Variants in GLIS1 observed in about 807,000 individuals in gnomAD.
The protein encoded by GLIS1 is zinc finger protein GLIS1.
GLIS1 carries 24 observed loss-of-function variants against 63.8 expected under a neutral mutation model. The observed-to-expected ratio is 0.38, with a 90% CI of 0.27 to 0.53. The LOEUF (loss-of-function observed/expected upper bound fraction) is 0.53, where lower values mean the gene tolerates loss of function less well. Among genes scored for constraint, GLIS1 ranks in the 20% least tolerant of loss-of-function variants. GLIS1 has a pLI of 0.85. For missense variants in GLIS1, 1,036 were observed against 1,074.1 expected (o/e 0.96, Z 0.50); for synonymous variants, 450 against 482.5 (o/e 0.93, Z 0.88).
intron 2 of GLIS1, among the ~76,000 whole-genome samples, chr1:53,727,181 C>A (rs561106559): frequency 2.0e-4 from 31 of 152,374 alleles, no homozygotes; most frequent in African/African-American, 7.5e-4. Flanking sequence ...GGATAAGTAA[C>A]ATGACCTCTC....
intron 4 of GLIS1, among the ~76,000 whole-genome samples, chr1:53,535,606 A>G (rs547261416): frequency 5.9e-5 from 9 of 151,868 alleles, no homozygotes; most frequent in African/African-American, 2.2e-4. Flanking sequence ...CCTGCATCCA[A>G]CTAGTCACCA....
chr1:53,704,738 G>A (rs1019161536), intron 2 of GLIS1, among the ~76,000 whole-genome samples: 2 of 152,230 alleles, frequency 1.3e-5, no homozygotes, highest in African/African-American at 2.4e-5. Context: ...CCCTGGCTCT[G>A]TGGGCTCTAG....
At chr1:53,554,158 C>G (rs1341341678) in intron 4 of GLIS1, among the ~76,000 whole-genome samples, 2 of 152,214 alleles carry the variant, frequency 1.3e-5, no homozygotes, top group African/African-American at 4.8e-5. Context: ...CCCCTTCTGT[C>G]ACCTGGCCCT....
chr1:53,683,552 C>T (rs182300281), intron 2 of GLIS1, among the ~76,000 whole-genome samples: 31 of 152,268 alleles, frequency 2.0e-4, no homozygotes, highest in Non-Finnish European at 3.5e-4. Flanking sequence ...GTGGATCACA[C>T]GAGATCATCC....
intron 9 of GLIS1, 80 bp from the exon 10 acceptor site, chr1:53,509,367 T>C: frequency 7.4e-7 from 1 of 1,350,652 alleles, no homozygotes; most frequent in African/African-American, 1.4e-5. Flanking sequence ...TGCTGCACGC[T>C]CCACCTCCCG....
chr1:53,568,848 A>C (rs1256402212), intron 4 of GLIS1, among the ~76,000 whole-genome samples: 1 of 152,046 alleles, frequency 6.6e-6, no homozygotes, highest in East Asian at 1.9e-4. Flanking sequence ...AGTCAATTAA[A>C]CCTCTTTTCT....
chr1:53,526,766 C>T lies in GLIS1; in HGVS notation c.1483-1879G>A, dbSNP rs530129623. Among the ~76,000 whole-genome samples, 54 of 152,388 alleles carry T rather than the reference C, an allele frequency of 3.5e-4. No homozygotes were observed. The highest frequency in any genetic ancestry group is 1.2e-3 in the African/African-American group (49 of 41,592). Reference sequence around the variant, plus strand: ...GTCTGCCGGCACATTCGCCTGGAAACGGGCGGCAAGGCCCATCTCTGTGTT... The same window carrying T: ...GTCTGCCGGCACATTCGCCTGGAAATGGGCGGCAAGGCCCATCTCTGTGTT... On this transcript the variant is annotated intron_variant, in intron 5 of 10. Transcript: ENST00000628545. The surrounding 1 kb of genome is among the most constrained non-coding windows in gnomAD (Gnocchi z 4.4).
chr1:53,594,325 C>T lies in GLIS1; in HGVS notation c.1103G>A (p.Gly368Glu). ...GLGLAGRVVA[G>E]RQACRWVDCC... ...GTCCACCCAGCGGCACGCCTGCCGC[C>T]CGGCCACCACCCTGCCTGCCAGGCC... Residue 368 changes from glycine to glutamate, a missense_variant, in exon 4 of 11, where the codon GGG (glycine) becomes GAG (glutamate). This residue lies in a region of GLIS1 where 592 missense variants were observed against 593.9 expected (regional missense o/e 1.00). Coordinates refer to ENST00000628545, the MANE Select transcript of GLIS1 (RefSeq NM_001367484.1). 1 of 1,611,808 alleles carries T rather than the reference C, an allele frequency of 6.2e-7. No homozygotes were observed. Among genetic ancestry groups the T allele is most frequent in the Non-Finnish European group, 8.5e-7 (1 of 1,179,512 alleles).
chr1:53,653,911 T>C (rs1023778958), intron 2 of GLIS1, among the ~76,000 whole-genome samples: 4 of 152,110 alleles, frequency 2.6e-5, no homozygotes, highest in African/African-American at 9.7e-5. Context: ...GAAGGAGAAG[T>C]ATCCACCTGG....
chr1:53,595,854 G>T (rs1286580167), intron 3 of GLIS1, among the ~76,000 whole-genome samples: 1 of 152,212 alleles, frequency 6.6e-6, no homozygotes, highest in East Asian at 1.9e-4. Flanking sequence ...GGTGTCTCAG[G>T]AGGAACTGAG....
intron 2 of GLIS1, among the ~76,000 whole-genome samples, chr1:53,658,987 G>A (rs754874173): frequency 6.6e-6 from 1 of 152,170 alleles, no homozygotes; most frequent in Non-Finnish European, 1.5e-5. Flanking sequence ...TGCCCTGGCC[G>A]CATGACCCCA....
At chr1:53,579,553 G>A (rs12084713) in intron 4 of GLIS1, among the ~76,000 whole-genome samples, 28,952 of 152,180 alleles carry the variant, frequency 0.19, 3,707 homozygotes, top group African/African-American at 0.36. Flanking sequence ...CTGGTGCTTC[G>A]AAGCCATGAG....
intron 2 of GLIS1, among the ~76,000 whole-genome samples, chr1:53,685,582 A>G (rs923611510): frequency 2.6e-5 from 4 of 152,134 alleles, no homozygotes; most frequent in Non-Finnish European, 1.5e-5. Context: ...CCTGAGTTGC[A>G]GAGATCCCTG....
At chr1:53,624,971 G>A (rs1645580487) in intron 2 of GLIS1, among the ~76,000 whole-genome samples, 1 of 152,104 alleles carries the variant, frequency 6.6e-6, no homozygotes, top group Non-Finnish European at 1.5e-5. Context: ...TAAAACCAGG[G>A]GGCAATAGCA....
chr1:53,635,790 A>G (rs1156524836), intron 2 of GLIS1, among the ~76,000 whole-genome samples: 1 of 152,256 alleles, frequency 6.6e-6, no homozygotes, highest in Non-Finnish European at 1.5e-5. Context: ...TGCAGGCAAT[A>G]CAAAGATGTT....
intron 4 of GLIS1, among the ~76,000 whole-genome samples, chr1:53,593,286 G>C (rs1403177745): frequency 6.6e-6 from 1 of 152,250 alleles, no homozygotes; most frequent in Non-Finnish European, 1.5e-5. Context: ...GTGCCTCGGA[G>C]GTAGCACAGC....
intron 2 of GLIS1, among the ~76,000 whole-genome samples, chr1:53,651,334 G>T (rs894488674): frequency 2.0e-5 from 3 of 152,184 alleles, no homozygotes; most frequent in African/African-American, 7.2e-5. Context: ...TGAATGCCTT[G>T]CTATTTTTTC....
At chr1:53,718,947 A>G (rs899941700) in intron 2 of GLIS1, among the ~76,000 whole-genome samples, 21 of 151,942 alleles carry the variant, frequency 1.4e-4, no homozygotes, top group Admixed American at 1.3e-4. Flanking sequence ...AGCTCTTTGG[A>G]CTTGGATGCT....
intron 3 of GLIS1, among the ~76,000 whole-genome samples, chr1:53,596,971 C>G (rs1331528055): frequency 6.6e-6 from 1 of 151,882 alleles, no homozygotes; most frequent in Non-Finnish European, 1.5e-5. Flanking sequence ...GGTCCCTGAC[C>G]TTGGGCAGCT....
Sources: gnomAD v4.1 joint callset for allele counts (sites outside exome capture counted in the v4.1 genomes callset) on GRCh38, gnomAD v4.1.1 for gene constraint, gnomAD v4.1.1 regional missense constraint, Gnocchi (gnomAD v3.1) non-coding constraint, MANE v1.5 for transcripts, NCBI Gene and HGNC (gene_info 2026-07-23, HGNC 2026-07-21) for gene names.